Variants in AKR1E2 observed in about 807,000 individuals in gnomAD.
AKR1E2 encodes aldo-keto reductase family 1 member E2.
Under a neutral mutation model 41.9 loss-of-function variants are expected in AKR1E2, and 43 were observed. The ratio of observed to expected loss-of-function variants is 1.03; its 90% confidence interval spans 0.80 to 1.32. The LOEUF (loss-of-function observed/expected upper bound fraction) is 1.32, where lower values mean the gene tolerates loss of function less well. Ranked by LOEUF, AKR1E2 falls within the 40% of genes most tolerant of loss-of-function variation. The pLI is 0.00. For missense variants in AKR1E2, 423 were observed against 396.5 expected, an observed-to-expected ratio of 1.07 and a Z score of -0.57; for synonymous variants, 121 against 138.9, an observed-to-expected ratio of 0.87 and a Z score of 0.91.
intron 5 of AKR1E2, among the ~76,000 whole-genome samples, chr10:4,839,050 C>T (rs1833662880): frequency 6.6e-6 from 1 of 152,206 alleles, no homozygotes; most frequent in Admixed American, 6.5e-5. Context: ...CTGTAATTTA[C>T]ACTAAATAAC....
Position 4,847,411 on chromosome 10 carries a change from A to G in AKR1E2, c.921-77A>G, listed in dbSNP as rs532400441. 12 of 1,560,288 alleles carry G rather than the reference A, an allele frequency of 7.7e-6. No individual in the cohort carries two copies. The South Asian group carries it at 1.1e-4, about 15-fold the overall frequency. Reference sequence around the variant, plus strand: ...TTCATGCACTGGGGAGTTTAAAAGTATATACCATTTAAAATGTTTCTCTTA... The same window carrying G: ...TTCATGCACTGGGGAGTTTAAAAGTGTATACCATTTAAAATGTTTCTCTTA... On this transcript the variant is annotated intron_variant, in intron 9 of 9. Transcript: ENST00000298375.
chr10:4,838,800 T>G (rs2131540082), intron 5 of AKR1E2, among the ~76,000 whole-genome samples: 1 of 152,322 alleles, frequency 6.6e-6, no homozygotes, highest in African/African-American at 2.4e-5. Context: ...GGATAGTAGC[T>G]TCCGTTTTGT....
the AKR1E2 span, among the ~76,000 whole-genome samples, chr10:4,867,620 G>T: frequency 6.6e-6 from 1 of 152,224 alleles, no homozygotes; most frequent in Non-Finnish European, 1.5e-5. Flanking sequence ...TGTGCCAATA[G>T]TCAGTTTATT....
At chr10:4,847,270 A>T in intron 9 of AKR1E2, 40 bp downstream of exon 9, 1 of 1,611,914 alleles carries the variant, frequency 6.2e-7, no homozygotes, top group East Asian at 2.2e-5. Context: ...AGGGAAGAAT[A>T]TACAGATTGA....
intron 5 of AKR1E2, among the ~76,000 whole-genome samples, chr10:4,838,366 A>G (rs902833678): frequency 1.3e-5 from 2 of 152,260 alleles, no homozygotes; most frequent in African/African-American, 2.4e-5. Flanking sequence ...TGTACATGTG[A>G]TTGTAGATAG....
At chr10:4,852,513 G>A (rs1330366851), downstream of AKR1E2, among the ~76,000 whole-genome samples, 1 of 152,170 alleles carries the variant, frequency 6.6e-6, no homozygotes, top group African/African-American at 2.4e-5. Flanking sequence ...AATACCGTTA[G>A]CTAGAGACTA....
At chr10:4,843,776 A>G (rs1834074242) in intron 8 of AKR1E2, among the ~76,000 whole-genome samples, 1 of 152,174 alleles carries the variant, frequency 6.6e-6, no homozygotes, top group Non-Finnish European at 1.5e-5. Flanking sequence ...TGGTGTCTAC[A>G]GCACTCTCCC....
chr10:4,840,323 T>G (rs759952100), intron 6 of AKR1E2, among the ~76,000 whole-genome samples: 3 of 152,172 alleles, frequency 2.0e-5, no homozygotes, highest in Non-Finnish European at 4.4e-5. Flanking sequence ...AGCACCAAAA[T>G]CTATTGATTA....
chr10:4,856,151 T>C, the AKR1E2 span, among the ~76,000 whole-genome samples: 1 of 152,236 alleles, frequency 6.6e-6, no homozygotes. Flanking sequence ...AAGTAGAATA[T>C]GTTTTTGGTA....
At chr10:4,825,160 G>C (rs1832378911), upstream of AKR1E2, 1 of 352,164 alleles carries the variant, frequency 2.8e-6, no homozygotes, top group African/African-American at 2.1e-5. Context: ...TTGGGTGGGA[G>C]GCAGGGGGAC....
intron 3 of AKR1E2, 138 bp from the exon 4 acceptor site, chr10:4,835,537 A>C (rs1833330631): frequency 3.7e-6 from 4 of 1,087,166 alleles, no homozygotes; most frequent in Non-Finnish European, 5.1e-6. Context: ...TAGAAAGGTG[A>C]AGACTGGGCC....
the AKR1E2 span, among the ~76,000 whole-genome samples, chr10:4,855,887 T>C: frequency 1.3e-5 from 2 of 152,170 alleles, no homozygotes; most frequent in Admixed American, 1.3e-4. Context: ...AATTGTTCAA[T>C]TTACCTAGTT....
At chr10:4,827,689 A>G (rs570370213) in intron 1 of AKR1E2, among the ~76,000 whole-genome samples, 7 of 152,210 alleles carry the variant, frequency 4.6e-5, no homozygotes, top group African/African-American at 1.7e-4. Context: ...CAGAATGTTC[A>G]AGGCCTGCTC....
Position 4,830,787 on chromosome 10 carries a change from G to A in AKR1E2, c.152G>A (p.Arg51His), listed in dbSNP as rs150563421. 1.5e-4 allele frequency: 239 copies of A among 1,614,128 alleles called. No individual in the cohort carries two copies. The East Asian group carries it at 1.7e-3, about 12-fold the overall frequency. ...HNEREVGAGI[R>H]CKIKEGAVRR... The stretch of plus-strand genomic sequence containing the variant: ...GAGAGGGAGGTTGGAGCAGGGATCC[G>A]TTGCAAGATCAAGGAAGGCGCTGTA... Residue 51 changes from arginine to histidine, a missense_variant, in exon 2 of 10, where the codon CGT becomes CAT. By Grantham distance (29) the Arg-to-His change is conservative (BLOSUM62 0). Transcript: ENST00000298375.
chr10:4,842,453 G>A lies in AKR1E2; in HGVS notation c.786G>A (p.Val262=), dbSNP rs1351754134. The change falls in exon 8 of 10, where the codon GTG becomes GTA. Residue 262 remains valine (V), a synonymous_variant. Transcript: ENST00000298375. ...TCCGATTTCAAATCCAGAGGAATGT[G>A]ATAGTGATCCCCGGATCTATCACCC... is the stretch of plus-strand genomic sequence containing the variant. ...ILIRFQIQRN[V]IVIPGSITPS... is the part of the protein sequence containing the mutation. The A allele has an allele frequency of 1.2e-6, 2 of 1,614,078 alleles. No homozygotes were observed. Among genetic ancestry groups the A allele is most frequent in the African/African-American group, 1.3e-5 (1 of 74,934 alleles).
rs200567525 is a variant in AKR1E2 at position 4,847,115 on chromosome 10, A to G, written c.838-33A>G. Reference sequence around the variant, plus strand: ...TGCTCCATTAAATGTGAATTAAACTAAGTTTTCTACAAACATTGTGTTTTG... The same window carrying G: ...TGCTCCATTAAATGTGAATTAAACTGAGTTTTCTACAAACATTGTGTTTTG... On this transcript the variant is annotated intron_variant, in intron 8 of 9. Coordinates refer to ENST00000298375, the MANE Select transcript of AKR1E2 (RefSeq NM_001040177.3). 3.1e-5 allele frequency: 50 copies of G among 1,613,362 alleles called. No individual in the cohort carries two copies. In the East Asian group the frequency reaches 1.1e-3, roughly 35 times the overall value.
intron 2 of AKR1E2, 139 bp downstream of exon 2, chr10:4,830,981 C>T: frequency 1.8e-6 from 2 of 1,098,812 alleles, no homozygotes; most frequent in South Asian, 1.6e-5. Context: ...GCTTCATGAG[C>T]ATGCTGAATT....
At chr10:4,844,199 G>A (rs1215924432) in intron 8 of AKR1E2, among the ~76,000 whole-genome samples, 1 of 152,120 alleles carries the variant, frequency 6.6e-6, no homozygotes, top group Non-Finnish European at 1.5e-5. Flanking sequence ...TGGGTTCATG[G>A]TCTCACTGGC....
the AKR1E2 span, among the ~76,000 whole-genome samples, chr10:4,865,886 A>G: frequency 6.6e-6 from 1 of 152,168 alleles, no homozygotes; most frequent in Non-Finnish European, 1.5e-5. Context: ...AATTGTATTC[A>G]TCATTATTCA....
Sources: gnomAD v4.1 joint callset for allele counts (sites outside exome capture counted in the v4.1 genomes callset) on GRCh38, gnomAD v4.1.1 for gene constraint, MANE v1.5 for transcripts, NCBI Gene and HGNC (gene_info 2026-07-23, HGNC 2026-07-21) for gene names.